Variants in ROBO1 observed in about 807,000 individuals in gnomAD.
The protein encoded by ROBO1 is roundabout guidance receptor 1, also known as roundabout homolog 1.
In ROBO1, 149 loss-of-function variants were observed where a neutral mutation model predicts 195.9. That is an observed-to-expected ratio of 0.76 (90% CI 0.67 to 0.87). The LOEUF (loss-of-function observed/expected upper bound fraction) is 0.87, where lower values mean the gene tolerates loss of function less well. ROBO1 is among the 40% of genes least tolerant of loss of function. The probability of loss-of-function intolerance (pLI) is 0.00; values close to 1 mark genes in which losing one functional copy is unlikely to be tolerated. For synonymous variants in ROBO1, 816 were observed against 733.2 expected, an observed-to-expected ratio of 1.11 and a Z score of -1.82; for missense variants, 1,933 against 2,068.3, an observed-to-expected ratio of 0.93 and a Z score of 1.27.
At chr3:79,759,186 G>A (rs763608509) in intron 1 of ROBO1, among the ~76,000 whole-genome samples, 4 of 152,146 alleles carry the variant, frequency 2.6e-5, no homozygotes, top group African/African-American at 4.8e-5. Context: ...CTATGACTGC[G>A]TATAAGTAAG....
At chr3:78,819,519 A>G (rs1031066362) in intron 4 of ROBO1, among the ~76,000 whole-genome samples, 3 of 151,280 alleles carry the variant, frequency 2.0e-5, no homozygotes, top group Non-Finnish European at 2.9e-5. Context: ...CTTTTTAGTG[A>G]AAAGATCATC....
At chr3:79,170,609 T>G (rs1402574528) in intron 2 of ROBO1, among the ~76,000 whole-genome samples, 1 of 152,152 alleles carries the variant, frequency 6.6e-6, no homozygotes, top group Non-Finnish European at 1.5e-5. Flanking sequence ...CAATACAAAT[T>G]TTTGTAAATT....
intron 1 of ROBO1, among the ~76,000 whole-genome samples, chr3:79,616,582 CTG>C (rs1292810828): frequency 6.6e-6 from 1 of 152,056 alleles, no homozygotes; most frequent in Non-Finnish European, 1.5e-5. Context: ...CAGAAGGTGA[CTG>C]TGTGCTTCCA....
intron 3 of ROBO1, among the ~76,000 whole-genome samples, chr3:78,958,156 T>C (rs1055953642): frequency 4.6e-5 from 7 of 152,240 alleles, no homozygotes; most frequent in Non-Finnish European, 4.4e-5. Flanking sequence ...ACTACATATA[T>C]GCATAAACGT....
At chr3:78,764,939 T>C (rs1456850610) in intron 4 of ROBO1, among the ~76,000 whole-genome samples, 1 of 152,176 alleles carries the variant, frequency 6.6e-6, no homozygotes, top group Non-Finnish European at 1.5e-5. Flanking sequence ...TTGTGTGATT[T>C]TTTTAAGTAA....
At chr3:79,154,252 C>T (rs1165831713) in intron 2 of ROBO1, among the ~76,000 whole-genome samples, 1 of 151,848 alleles carries the variant, frequency 6.6e-6, no homozygotes, top group East Asian at 1.9e-4. Context: ...AAAGTCTTTA[C>T]AATCTTGGTT....
At chr3:78,641,131 T>G (rs1433786233) in intron 21 of ROBO1, among the ~76,000 whole-genome samples, 1 of 152,198 alleles carries the variant, frequency 6.6e-6, no homozygotes, top group Non-Finnish European at 1.5e-5. Flanking sequence ...TTTGTTTGTT[T>G]GTTTTTAAAC....
intron 2 of ROBO1, among the ~76,000 whole-genome samples, chr3:79,415,781 G>T (rs1559882919): frequency 6.6e-6 from 1 of 152,082 alleles, no homozygotes; most frequent in African/African-American, 2.4e-5. Context: ...GGCAATGATA[G>T]AAATAAAAGG....
intron 4 of ROBO1, among the ~76,000 whole-genome samples, chr3:78,886,413 G>T: frequency 6.6e-6 from 1 of 152,202 alleles, no homozygotes; most frequent in Admixed American, 6.5e-5. Context: ...TGACCAACGT[G>T]GTGAAACCCA....
intron 28 of ROBO1, among the ~76,000 whole-genome samples, chr3:78,610,486 CT>C (rs1163297964): frequency 6.6e-6 from 1 of 152,120 alleles, no homozygotes; most frequent in Non-Finnish European, 1.5e-5. Flanking sequence ...GAGTGAGTGA[CT>C]GCAGGCTCAT....
chr3:78,697,181 T>C (rs953596842), intron 8 of ROBO1, among the ~76,000 whole-genome samples: 3 of 151,248 alleles, frequency 2.0e-5, no homozygotes, highest in African/African-American at 7.3e-5. Context: ...GAATATACAT[T>C]GCTCAGACAG....
chr3:79,186,568 G>T (rs2081442782), intron 2 of ROBO1, among the ~76,000 whole-genome samples: 1 of 151,972 alleles, frequency 6.6e-6, no homozygotes, highest in African/African-American at 2.4e-5. Context: ...GTAATCACTG[G>T]GGTCATTCAC....
chr3:79,599,202 T>G (rs1257075417), intron 1 of ROBO1, among the ~76,000 whole-genome samples: 1 of 152,060 alleles, frequency 6.6e-6, no homozygotes, highest in Non-Finnish European at 1.5e-5. Context: ...AAATACTGAT[T>G]GACATCTTCA....
intron 2 of ROBO1, among the ~76,000 whole-genome samples, chr3:79,561,116 CCTT>C (rs770623087): frequency 1.2e-4 from 18 of 152,138 alleles, no homozygotes; most frequent in Non-Finnish European, 2.4e-4. Context: ...AAATATATGA[CCTT>C]CTTTCCATCC....
chr3:79,186,692 G>A (rs2081445889), intron 2 of ROBO1, among the ~76,000 whole-genome samples: 1 of 152,106 alleles, frequency 6.6e-6, no homozygotes, highest in Non-Finnish European at 1.5e-5. Flanking sequence ...GCAGAAGATT[G>A]AAGGGCTAGT....
chr3:78,663,351 A>G (rs1045861949), intron 14 of ROBO1, among the ~76,000 whole-genome samples: 1 of 152,118 alleles, frequency 6.6e-6, no homozygotes, highest in Admixed American at 6.6e-5. Flanking sequence ...AACTGGGATA[A>G]TTCTGGCATC....
Position 79,445,243 on chromosome 3 carries a change from C to T in ROBO1, c.88+144581G>A, listed in dbSNP as rs181044273. ...CATATTTGCGTACATCATATCCACA[C>T]CAATGCATATATTACTGAATATATA... On this transcript the variant is annotated intron_variant, in intron 2 of 30. Transcript: ENST00000464233. Among the ~76,000 whole-genome samples the T allele has an allele frequency of 4.0e-5, 6 of 151,702 alleles. No individual in the cohort carries two copies. The East Asian group carries it at 1.2e-3, about 30-fold the overall frequency.
chr3:79,472,402 AAATAT>A, intron 2 of ROBO1, among the ~76,000 whole-genome samples: 1 of 152,118 alleles, frequency 6.6e-6, no homozygotes, highest in South Asian at 2.1e-4. Flanking sequence ...ATCCAATAAT[AAATAT>A]GACTTTTGGT....
intron 2 of ROBO1, among the ~76,000 whole-genome samples, chr3:79,412,565 T>C (rs1191448783): frequency 6.6e-6 from 1 of 152,116 alleles, no homozygotes; most frequent in Non-Finnish European, 1.5e-5. Flanking sequence ...TCTGACATCT[T>C]GGAGAAAGGA....
Sources: gnomAD v4.1 joint callset for allele counts (sites outside exome capture counted in the v4.1 genomes callset) on GRCh38, gnomAD v4.1.1 for gene constraint, MANE v1.5 for transcripts, NCBI Gene and HGNC (gene_info 2026-07-23, HGNC 2026-07-21) for gene names.